DPP10: variants seen among roughly 807,000 people sequenced by gnomAD.
DPP10 encodes the protein inactive dipeptidyl peptidase 10.
A neutral mutation model predicts 120.9 loss-of-function variants in DPP10; 33 were observed. The ratio of observed to expected loss-of-function variants is 0.27; its 90% confidence interval spans 0.21 to 0.37. The LOEUF is 0.37. DPP10 is among the 10% of genes least tolerant of loss of function. DPP10 has a pLI of 1.00. For missense variants in DPP10, 816 were observed against 942.8 expected, an observed-to-expected ratio of 0.87 and a Z score of 1.76; for synonymous variants, 337 against 326.1, an observed-to-expected ratio of 1.03 and a Z score of -0.36.
intron 1 of DPP10, among the ~76,000 whole-genome samples, chr2:114,843,055 G>A (rs1212779342): frequency 6.6e-6 from 1 of 152,070 alleles, no homozygotes; most frequent in Non-Finnish European, 1.5e-5. Context: ...TCTGGACTGG[G>A]GTAGGTATCA....
At chr2:114,773,485 A>G (rs73949015) in intron 1 of DPP10, among the ~76,000 whole-genome samples, 22 of 149,444 alleles carry the variant, frequency 1.5e-4, no homozygotes, top group African/African-American at 5.4e-4. Flanking sequence ...TTATAACTCA[A>G]CAGGCCTGAC....
At chr2:115,299,081 C>G (rs986010554) in intron 1 of DPP10, among the ~76,000 whole-genome samples, 4 of 152,108 alleles carry the variant, frequency 2.6e-5, no homozygotes, top group African/African-American at 7.2e-5. Flanking sequence ...AGAAGATTGT[C>G]TGTCTGAATA....
At chr2:114,758,697 C>T (rs142960633) in intron 1 of DPP10, among the ~76,000 whole-genome samples, 31 of 152,028 alleles carry the variant, frequency 2.0e-4, no homozygotes, top group African/African-American at 7.2e-4. Context: ...AAAAAAAAGG[C>T]TAAATTAGAG....
chr2:115,351,277 G>A (rs1290714533), intron 3 of DPP10, among the ~76,000 whole-genome samples: 1 of 152,010 alleles, frequency 6.6e-6, no homozygotes, highest in Non-Finnish European at 1.5e-5. Context: ...GAAACAGAAA[G>A]CTAAATATCA....
At chr2:114,851,560 T>C (rs1688945906) in intron 1 of DPP10, among the ~76,000 whole-genome samples, 1 of 152,292 alleles carries the variant, frequency 6.6e-6, no homozygotes, top group Admixed American at 6.5e-5. Context: ...TAAAAATAAG[T>C]AAAAATCTTA....
chr2:115,251,541 C>T (rs1428474454), intron 1 of DPP10, among the ~76,000 whole-genome samples: 2 of 151,658 alleles, frequency 1.3e-5, no homozygotes, highest in Non-Finnish European at 2.9e-5. Flanking sequence ...ATAGGACCTA[C>T]GTAAAGGGCA....
chr2:115,259,667 T>C (rs1228440771), intron 1 of DPP10, among the ~76,000 whole-genome samples: 7 of 152,144 alleles, frequency 4.6e-5, no homozygotes, highest in Non-Finnish European at 1.0e-4. Context: ...ATTTATAGTC[T>C]GTACCTAGAC....
chr2:115,220,744 A>G (rs1408589060), intron 1 of DPP10, among the ~76,000 whole-genome samples: 1 of 152,152 alleles, frequency 6.6e-6, no homozygotes, highest in Non-Finnish European at 1.5e-5. Context: ...ACAAATCACT[A>G]CTGTGCCTTT....
chr2:114,621,514 A>G (rs182284544), intron 1 of DPP10, among the ~76,000 whole-genome samples: 10 of 152,228 alleles, frequency 6.6e-5, no homozygotes, highest in Admixed American at 5.2e-4. Context: ...GTCATTCCCC[A>G]AAGTCTAACC....
intron 1 of DPP10, among the ~76,000 whole-genome samples, chr2:115,246,367 T>C (rs941409802): frequency 6.6e-6 from 1 of 152,146 alleles, no homozygotes; most frequent in African/African-American, 2.4e-5. Context: ...CTCTGGTACA[T>C]GAAGACAAAC....
At chr2:115,184,915 T>G (rs2054328149) in intron 1 of DPP10, among the ~76,000 whole-genome samples, 1 of 152,212 alleles carries the variant, frequency 6.6e-6, no homozygotes, top group African/African-American at 2.4e-5. Context: ...ATGCATAATG[T>G]GAGAGTCAAG....
intron 19 of DPP10, among the ~76,000 whole-genome samples, chr2:115,803,044 C>A (rs144755893): frequency 2.7e-4 from 41 of 152,192 alleles, no homozygotes; most frequent in African/African-American, 9.9e-4. Context: ...TAAAGTGTCC[C>A]ATTATTATTG....
intron 1 of DPP10, among the ~76,000 whole-genome samples, chr2:114,998,500 T>C (rs1233264482): frequency 1.3e-5 from 2 of 152,182 alleles, no homozygotes; most frequent in African/African-American, 2.4e-5. Context: ...GATACAGTCA[T>C]AGTGGGCAGC....
intron 3 of DPP10, among the ~76,000 whole-genome samples, chr2:115,391,106 T>A (rs965354043): frequency 6.6e-6 from 1 of 152,152 alleles, no homozygotes; most frequent in Admixed American, 6.5e-5. Context: ...AAGAACCACA[T>A]GAAGGTACTA....
chr2:115,005,596 C>G (rs1701763269), intron 1 of DPP10, among the ~76,000 whole-genome samples: 1 of 151,876 alleles, frequency 6.6e-6, no homozygotes, highest in Admixed American at 6.6e-5. Context: ...CCGATGTGAT[C>G]AACTGGAAGA....
chr2:115,198,799 G>A (rs1261510661), intron 1 of DPP10, among the ~76,000 whole-genome samples: 2 of 152,044 alleles, frequency 1.3e-5, no homozygotes, highest in Non-Finnish European at 2.9e-5. Context: ...ACTCCAGCAT[G>A]GGGTTAATAA....
At chr2:115,377,239 C>T (rs1318082783) in intron 3 of DPP10, among the ~76,000 whole-genome samples, 2 of 150,942 alleles carry the variant, frequency 1.3e-5, no homozygotes, top group East Asian at 2.0e-4. Flanking sequence ...TTAATGATTG[C>T]CATTCTAACT....
In DPP10 at chr2:114,965,914, C is replaced by T. The variant is rs1245311485; in HGVS notation, c.61-343325C>T. On this transcript the variant is annotated intron_variant, in intron 1 of 25. Transcript: ENST00000410059. The stretch of plus-strand genomic sequence containing the variant: ...CCGGGAGGCAGGGCTTGCGGTGAGC[C>T]GAGATCGCCCCACTGCACTCCAGCT... Among the ~76,000 whole-genome samples the T allele has an allele frequency of 6.2e-5, 8 of 129,170 alleles. No homozygotes were observed. In the East Asian group the frequency reaches 2.0e-3, roughly 32 times the overall value. The allele number at this position is 129,170 out of a possible 152,430, so 84.7% of individuals were successfully genotyped here. A position where few individuals can be genotyped will look rare whatever the true frequency, so the allele number is the denominator to read the frequency against.
chr2:114,516,403 G>A (rs1452763752), intron 1 of DPP10, among the ~76,000 whole-genome samples: 1 of 152,180 alleles, frequency 6.6e-6, no homozygotes, highest in Non-Finnish European at 1.5e-5. Flanking sequence ...CAGCCCTGCT[G>A]TGATGAGACT....
Sources: allele counts gnomAD v4.1 joint callset (sites outside exome capture counted in the v4.1 genomes callset), GRCh38; gene constraint gnomAD v4.1.1; transcripts MANE v1.5; gene names NCBI Gene and HGNC (gene_info 2026-07-23, HGNC 2026-07-21).